The following USP3 variants were observed in gnomAD, a reference collection of about 807,000 sequenced individuals.
USP3 encodes ubiquitin specific peptidase 3.
A neutral mutation model predicts 72.3 loss-of-function variants in USP3; 20 were observed. That is an observed-to-expected ratio of 0.28 (90% confidence interval 0.19 to 0.40). USP3 has a LOEUF of 0.40. Among genes scored for constraint, USP3 ranks in the 10% least tolerant of loss-of-function variants. USP3 has a pLI of 1.00. For synonymous variants in USP3, 222 were observed against 225.3 expected (o/e 0.99, Z 0.13); for missense variants, 479 against 633.9 (o/e 0.76, Z 2.62).
intron 3 of USP3, among the ~76,000 whole-genome samples, chr15:63,552,858 T>C (rs573563085): frequency 6.6e-6 from 1 of 152,214 alleles, no homozygotes; most frequent in African/African-American, 2.4e-5. Flanking sequence ...GGCAGTGTTA[T>C]TTTTATTATT....
intron 1 of USP3, chr15:63,530,641 A>G (rs1345001114): frequency 2.3e-6 from 1 of 426,118 alleles, no homozygotes; most frequent in African/African-American, 2.1e-5. Flanking sequence ...ACTAAGAGAA[A>G]AAAGCTTTAC....
chr15:63,568,120 C>T (rs562574130), intron 8 of USP3, among the ~76,000 whole-genome samples: 376 of 151,836 alleles, frequency 2.5e-3, no homozygotes, highest in Non-Finnish European at 4.0e-3. Flanking sequence ...TTTGGGAGGC[C>T]GAGGCGGGCG....
intron 4 of USP3, among the ~76,000 whole-genome samples, chr15:63,554,245 C>G (rs2066476148): frequency 6.6e-6 from 1 of 152,156 alleles, no homozygotes; most frequent in Non-Finnish European, 1.5e-5. Flanking sequence ...ATATTGTCCA[C>G]TTTGCATCTA....
Position 63,520,785 on chromosome 15 carries a change from ACTC to A in USP3, c.92-11859_92-11857del, listed in dbSNP as rs1489276356. Among the ~76,000 whole-genome samples the A allele has an allele frequency of 2.7e-5, 4 of 150,380 alleles. No individual in the cohort carries two copies. In the East Asian group the frequency reaches 7.8e-4, roughly 30 times the overall value. Reference sequence around the variant, plus strand: ...CACCATGTTGGCAGGCTGGTCTTGAACTCCTGACCTCAAGTGATCTGCTCACCT... The same window carrying A: ...CACCATGTTGGCAGGCTGGTCTTGAACTGACCTCAAGTGATCTGCTCACCT... On this transcript the variant is annotated intron_variant, in intron 1 of 14. Coordinates refer to ENST00000380324, the MANE Select transcript of USP3 (RefSeq NM_006537.4).
chr15:63,507,976 A>AT (rs1285488355), intron 1 of USP3, among the ~76,000 whole-genome samples: 5 of 152,092 alleles, frequency 3.3e-5, no homozygotes, highest in Non-Finnish European at 7.4e-5. Flanking sequence ...GAATGGCATT[A>AT]TTTTGCCTTT....
At chr15:63,581,345 T>TGTGTG (rs2066955880) in intron 11 of USP3, among the ~76,000 whole-genome samples, 8 of 130,176 alleles carry the variant, frequency 6.1e-5, no homozygotes, top group African/African-American at 2.0e-4. Context: ...GTGTTGGTTT[T>TGTGTG]TGTGTGTGTG....
intron 3 of USP3, among the ~76,000 whole-genome samples, chr15:63,537,758 T>C (rs1360698299): frequency 6.6e-6 from 1 of 152,156 alleles, no homozygotes; most frequent in Non-Finnish European, 1.5e-5. Context: ...CAATATCGGC[T>C]CACCTCAATG....
chr15:63,536,873 T>C, intron 2 of USP3, 152 bp from the exon 3 acceptor site: 2 of 842,046 alleles, frequency 2.4e-6, no homozygotes, highest in Non-Finnish European at 3.5e-6. Flanking sequence ...AAAGAGCATA[T>C]TTTAAGTATT....
chr15:63,529,156 A>C lies in USP3; in HGVS notation c.92-3491A>C. 5 of 822,462 alleles carry C rather than the reference A, an allele frequency of 6.1e-6. No homozygotes were observed. Among genetic ancestry groups the C allele is most frequent in the Non-Finnish European group, 8.8e-6 (5 of 568,006 alleles). The allele number at this position is 822,462 out of a possible 1,614,324, so 50.9% of individuals were successfully genotyped here. A position where few individuals can be genotyped will look rare whatever the true frequency, so the allele number is the denominator to read the frequency against. ...TGGGACTACAGATGCAATCACCACC[A>C]CACTTGGCAGGTAGTAAAGTGGTTT... On this transcript the variant is annotated intron_variant, in intron 1 of 14. Coordinates refer to ENST00000380324, the MANE Select transcript of USP3 (RefSeq NM_006537.4). This position sits in a 1 kb window ranked among gnomAD's most constrained non-coding sequence, Gnocchi z 4.2.
rs573635519 is a variant in USP3, at chr15:63,566,006, A to G, written c.761+2998A>G. On this transcript the variant is annotated intron_variant, in intron 8 of 14. Coordinates refer to ENST00000380324, the MANE Select transcript of USP3 (RefSeq NM_006537.4). ...CTGTATGTCATGTGCTTCTGCCCAC[A>G]GGATTTGCCTTGTGGTCCCTATCTC... Among the ~76,000 whole-genome samples the G allele has an allele frequency of 1.4e-4, 21 of 152,282 alleles. No homozygotes were observed. The South Asian group carries it at 3.9e-3, about 29-fold the overall frequency.
intron 7 of USP3, among the ~76,000 whole-genome samples, chr15:63,562,060 A>G (rs554499384): frequency 2.0e-5 from 3 of 152,208 alleles, no homozygotes; most frequent in African/African-American, 7.2e-5. Flanking sequence ...TTTTCCACCA[A>G]CCTCCAGAGG....
chr15:63,520,823 A>G (rs991574913), intron 1 of USP3, among the ~76,000 whole-genome samples: 31 of 152,002 alleles, frequency 2.0e-4, no homozygotes, highest in African/African-American at 7.5e-4. Context: ...TTGGCCTCCC[A>G]AAGTGCTAGG....
intron 3 of USP3, among the ~76,000 whole-genome samples, chr15:63,546,749 G>A (rs1198610451): frequency 6.6e-6 from 1 of 151,984 alleles, no homozygotes; most frequent in Non-Finnish European, 1.5e-5. Flanking sequence ...ACAGGTGCCC[G>A]CCACCATGCC....
intron 3 of USP3, among the ~76,000 whole-genome samples, chr15:63,545,497 T>G (rs1159778582): frequency 6.6e-6 from 1 of 152,206 alleles, no homozygotes; most frequent in African/African-American, 2.4e-5. Flanking sequence ...GACACCAATA[T>G]TCTTCTTACC....
intron 9 of USP3, among the ~76,000 whole-genome samples, chr15:63,571,166 G>A (rs923382459): frequency 6.6e-6 from 1 of 152,160 alleles, no homozygotes; most frequent in Non-Finnish European, 1.5e-5. Context: ...GCTTGAAGAA[G>A]GGAAGATTTA....
chr15:63,537,588 A>T (rs962515192), intron 3 of USP3, among the ~76,000 whole-genome samples: 1 of 152,144 alleles, frequency 6.6e-6, no homozygotes, highest in Admixed American at 6.5e-5. Context: ...TTAAAAAAAA[A>T]TTATTCTGAC....
At chr15:63,568,577 G>A (rs2152677071) in intron 8 of USP3, among the ~76,000 whole-genome samples, 1 of 152,270 alleles carries the variant, frequency 6.6e-6, no homozygotes. Context: ...AAGAGAAACT[G>A]AAGTTGACTA....
chr15:63,579,015 ATATAT>A (rs1051878619), intron 11 of USP3, among the ~76,000 whole-genome samples: 5 of 152,206 alleles, frequency 3.3e-5, no homozygotes, highest in African/African-American at 4.8e-5. Flanking sequence ...ACTTTGATAA[ATATAT>A]TATAAACATG....
intron 1 of USP3, among the ~76,000 whole-genome samples, chr15:63,507,254 G>T (rs1298971318): frequency 1.3e-5 from 2 of 152,108 alleles, no homozygotes; most frequent in Admixed American, 6.5e-5. Flanking sequence ...TATTTTCTTT[G>T]CGAGTTTGCA....
Sources: gnomAD v4.1 joint callset for allele counts (sites outside exome capture counted in the v4.1 genomes callset) on GRCh38, gnomAD v4.1.1 for gene constraint, Gnocchi (gnomAD v3.1) non-coding constraint, MANE v1.5 for transcripts, NCBI Gene and HGNC (gene_info 2026-07-23, HGNC 2026-07-21) for gene names.